SPTB: variants seen among roughly 807,000 people sequenced by gnomAD.
SPTB encodes spectrin beta chain, erythrocytic.
A neutral mutation model predicts 256.2 loss-of-function variants in SPTB; 45 were observed. The ratio of observed to expected loss-of-function variants is 0.18; its 90% confidence interval spans 0.14 to 0.23. SPTB has a LOEUF of 0.23. Ranked by LOEUF, SPTB falls within the 10% of genes least tolerant of loss-of-function variation. The pLI, the probability that SPTB is intolerant of heterozygous loss-of-function variation, is 1.00. For synonymous variants in SPTB, 1,231 were observed against 1,243.1 expected (o/e 0.99, Z 0.21); for missense variants, 2,715 against 3,040.4 (o/e 0.89, Z 2.52).
At chr14:64,839,388 C>T (rs1433629376) in intron 1 of SPTB, among the ~76,000 whole-genome samples, 29 of 152,164 alleles carry the variant, frequency 1.9e-4, no homozygotes, top group Non-Finnish European at 1.5e-5. Flanking sequence ...ACTATAGGGA[C>T]AGGAAATAAA....
chr14:64,749,254 G>C lies in SPTB; in HGVS notation c.*52C>G. 1 of 1,536,420 alleles carries C rather than the reference G, an allele frequency of 6.5e-7. No homozygotes were observed. Among genetic ancestry groups the C allele is most frequent in the Admixed American group, 2.0e-5 (1 of 51,248 alleles). On this transcript the variant is annotated 3_prime_UTR_variant, in exon 36 of 36. Transcript: ENST00000644917. This position sits in a 1 kb window ranked among gnomAD's most constrained non-coding sequence, Gnocchi z 4.7. ...GCGGCGAGAGGAGGCCAAGGCCTGG[G>C]CTGCCCGGTCTCTGCGCGTCCCGAC...
intron 1 of SPTB, 44 bp downstream of exon 1, chr14:64,879,748 C>G (rs1417013675): frequency 2.0e-5 from 3 of 152,896 alleles, no homozygotes; most frequent in Non-Finnish European, 2.9e-5. Context: ...GCCTTGCGCA[C>G]CCGCACCCAG....
rs1167628829 is a variant in SPTB at position 64,764,861 on chromosome 14, A to C, written c.6345+1865T>G. 6.6e-6 allele frequency among the ~76,000 whole-genome samples: 1 copy of C among 152,148 alleles called. No homozygotes were observed. The highest frequency in any genetic ancestry group is 1.5e-5 in the Non-Finnish European group (1 of 68,014). ...AAGGGGCTGGGACACAGTCCACCAC[A>C]GACAGGGAGGCGACCCCACATGCGA... On this transcript the variant is annotated intron_variant, in intron 32 of 35. Coordinates refer to ENST00000644917, the MANE Select transcript of SPTB (RefSeq NM_001355436.2). This position sits in a 1 kb window ranked among gnomAD's most constrained non-coding sequence, Gnocchi z 4.2.
chr14:64,787,467 G>A (rs956589663), intron 15 of SPTB, among the ~76,000 whole-genome samples: 4 of 152,104 alleles, frequency 2.6e-5, no homozygotes, highest in African/African-American at 4.8e-5. Context: ...TGGAGTTCAG[G>A]CAAATATACA....
chr14:64,808,290 G>A (rs930507783), intron 2 of SPTB, among the ~76,000 whole-genome samples: 1 of 152,060 alleles, frequency 6.6e-6, no homozygotes, highest in African/African-American at 2.4e-5. Flanking sequence ...GGGATTATAG[G>A]CATGAGCCAC....
chr14:64,818,696 C>T (rs147445219), intron 2 of SPTB, among the ~76,000 whole-genome samples: 12 of 152,206 alleles, frequency 7.9e-5, no homozygotes, highest in Admixed American at 2.6e-4. Context: ...TTCATCCAGA[C>T]GGCCACAAAT....
At position 64,779,082 on chromosome 14, in the gene SPTB, G is replaced by A. The variant is rs925481476; in HGVS notation, c.4563+75C>T. ...TGTTGCTAGCCTTCTGCAGGTCAGG[G>A]CTGGGCCTACCCCCGTGGGGCCAGG... On this transcript the variant is annotated intron_variant, in intron 22 of 35. Transcript: ENST00000644917. The surrounding 1 kb of genome is among the most constrained non-coding windows in gnomAD (Gnocchi z 4.2). The A allele has an allele frequency of 1.2e-5, 14 of 1,207,104 alleles. No homozygotes were observed. In the Admixed American group the frequency reaches 2.2e-4, roughly 19 times the overall value. 74.8% of individuals were successfully genotyped at this position (1,207,104 alleles called of 1,614,324 possible).
chr14:64,817,353 G>C (rs951218729), intron 2 of SPTB, among the ~76,000 whole-genome samples: 2 of 152,210 alleles, frequency 1.3e-5, no homozygotes, highest in Admixed American at 6.5e-5. Flanking sequence ...ACATTAAAAT[G>C]GTTGCTGACA....
intron 1 of SPTB, among the ~76,000 whole-genome samples, chr14:64,879,179 T>C (rs1432766709): frequency 6.6e-6 from 1 of 152,108 alleles, no homozygotes; most frequent in Non-Finnish European, 1.5e-5. Context: ...CCTTGAAGTA[T>C]GGCTTGGGGC....
chr14:64,771,495 C>G (rs184153400), intron 26 of SPTB, among the ~76,000 whole-genome samples: 151 of 152,296 alleles, frequency 9.9e-4, no homozygotes, highest in African/African-American at 3.3e-3. Flanking sequence ...ATTACTATTG[C>G]TGTTTCTGAG....
chr14:64,833,647 G>A (rs893385697), intron 1 of SPTB, among the ~76,000 whole-genome samples: 6 of 151,988 alleles, frequency 3.9e-5, no homozygotes, highest in African/African-American at 1.5e-4. Flanking sequence ...TCACTCTCAT[G>A]CTCATCTTCA....
At chr14:64,839,207 C>A (rs1164989192) in intron 1 of SPTB, among the ~76,000 whole-genome samples, 1 of 152,146 alleles carries the variant, frequency 6.6e-6, no homozygotes, top group East Asian at 1.9e-4. Flanking sequence ...AATAGATAAA[C>A]CGATTGTGGT....
At chr14:64,782,635 T>C in intron 19 of SPTB, 82 bp from the exon 20 acceptor site, 2 of 1,593,114 alleles carry the variant, frequency 1.3e-6, no homozygotes, top group South Asian at 1.1e-5. Context: ...TGCAAGAGGC[T>C]ACCCAAGAGG....
chr14:64,792,219 G>A lies in SPTB; in HGVS notation c.2667-363C>T, dbSNP rs2082686818. ...CCACCTTCCAGGCCTCTGCTTTTCC[G>A]GCTGTTGCTTTTGGACTCTGAGTCC... On this transcript the variant is annotated intron_variant, in intron 14 of 35. Transcript: ENST00000644917. This position sits in a 1 kb window ranked among gnomAD's most constrained non-coding sequence, Gnocchi z 4.2. 6.6e-6 allele frequency among the ~76,000 whole-genome samples: 1 copy of A among 152,166 alleles called. No individual in the cohort carries two copies. The highest frequency in any genetic ancestry group is 2.4e-5 in the African/African-American group (1 of 41,440).
chr14:64,766,117 T>C (rs1002373711), intron 32 of SPTB, among the ~76,000 whole-genome samples: 2 of 145,792 alleles, frequency 1.4e-5, no homozygotes, highest in African/African-American at 5.2e-5. Context: ...GATGTGTGTA[T>C]GGGGATGTGG....
In SPTB at chr14:64,784,248, G is replaced by A. The variant is rs113139501; in HGVS notation, c.4001C>T (p.Ala1334Val). The change falls in exon 19 of 36, where the codon GCG (alanine) becomes GTG (valine). Residue 1334 changes from alanine to valine, a missense_variant and splice_region_variant. Coordinates refer to ENST00000644917, the MANE Select transcript of SPTB (RefSeq NM_001355436.2). Reference protein sequence around the residue: ...SHEGWLENIDAEGKQLMDEKP... With the variant: ...SHEGWLENIDVEGKQLMDEKP... ...CCGCCGCCCAATCACTTTACTTACCGCATCGATGTTCTCTAGCCACCCTTC... is the reference window on the plus strand; with the variant it reads ...CCGCCGCCCAATCACTTTACTTACCACATCGATGTTCTCTAGCCACCCTTC... 136 of 1,614,160 alleles carry A rather than the reference G, an allele frequency of 8.4e-5. 1 individual carries two copies. The African/African-American group carries it at 1.3e-3, about 15-fold the overall frequency.
At position 64,824,877 on chromosome 14, in the gene SPTB, C is replaced by T. The variant is rs1391798301; in HGVS notation, c.-51-1732G>A. On this transcript the variant is annotated intron_variant, in intron 1 of 35. Coordinates refer to ENST00000644917, the MANE Select transcript of SPTB (RefSeq NM_001355436.2). The surrounding 1 kb of genome is among the most constrained non-coding windows in gnomAD (Gnocchi z 5.7). ...CCCCAACCTGATGAATCCATCCCACCACATCCTTGTGAGGTAAGATAGGAG... is the reference window on the plus strand; with the variant it reads ...CCCCAACCTGATGAATCCATCCCACTACATCCTTGTGAGGTAAGATAGGAG... Among the ~76,000 whole-genome samples the T allele has an allele frequency of 6.6e-6, 1 of 152,158 alleles. No homozygotes were observed. Among genetic ancestry groups the T allele is most frequent in the African/African-American group, 2.4e-5 (1 of 41,434 alleles).
At chr14:64,805,846 A>T (rs757741620) in intron 2 of SPTB, among the ~76,000 whole-genome samples, 1 of 152,212 alleles carries the variant, frequency 6.6e-6, no homozygotes, top group Non-Finnish European at 1.5e-5. Flanking sequence ...CAGGATATGT[A>T]GAATGTATGA....
chr14:64,848,667 CAG>C (rs1446766486), intron 1 of SPTB, among the ~76,000 whole-genome samples: 1 of 152,248 alleles, frequency 6.6e-6, no homozygotes, highest in Admixed American at 6.5e-5. Context: ...CACTAACACA[CAG>C]AGAGTCCAAT....
Sources: allele counts gnomAD v4.1 joint callset (sites outside exome capture counted in the v4.1 genomes callset), GRCh38; gene constraint gnomAD v4.1.1; non-coding constraint Gnocchi (gnomAD v3.1); transcripts MANE v1.5; gene names NCBI Gene and HGNC (gene_info 2026-07-23, HGNC 2026-07-21).